PIP5K1B: variants seen among roughly 807,000 people sequenced by gnomAD.
PIP5K1B encodes phosphatidylinositol 4-phosphate 5-kinase type-1 beta.
In PIP5K1B, 42 loss-of-function variants were observed where a neutral mutation model predicts 67.0. That is an observed-to-expected ratio of 0.63 (90% CI 0.49 to 0.81). PIP5K1B has a LOEUF of 0.81. PIP5K1B is among the 30% of genes least tolerant of loss of function. The probability of loss-of-function intolerance (pLI) is 0.00; values close to 1 mark genes in which losing one functional copy is unlikely to be tolerated. For missense variants in PIP5K1B, 459 were observed against 646.3 expected, an observed-to-expected ratio of 0.71 and a Z score of 3.14; for synonymous variants, 214 against 231.4, an observed-to-expected ratio of 0.92 and a Z score of 0.68.
intron 3 of PIP5K1B, 81 bp downstream of exon 3, chr9:68,818,626 T>C (rs1391219548): frequency 6.6e-6 from 1 of 152,540 alleles, no homozygotes; most frequent in Non-Finnish European, 1.5e-5. Flanking sequence ...TAAATATTTT[T>C]ACAAATATTC....
chr9:68,969,543 A>G (rs1180715658), intron 14 of PIP5K1B, among the ~76,000 whole-genome samples: 1 of 152,118 alleles, frequency 6.6e-6, no homozygotes, highest in Non-Finnish European at 1.5e-5. Flanking sequence ...GGGGAAGAAA[A>G]AAAAACACAG....
In PIP5K1B at chr9:68,954,546, A is replaced by C. The variant is rs141905206; in HGVS notation, c.1502+13756A>C. Among the ~76,000 whole-genome samples, 23 of 152,354 alleles carry C rather than the reference A, an allele frequency of 1.5e-4. 1 individual carries two copies. In the East Asian group the frequency reaches 4.4e-3, roughly 29 times the overall value. ...ATTAATAATGAGTTAATCCAAAATC[A>C]GTATGTTTCTGATTGTGTGTGGACA... On this transcript the variant is annotated intron_variant, in intron 14 of 15. Transcript: ENST00000265382.
chr9:68,716,793 C>T (rs958151117), intron 1 of PIP5K1B, among the ~76,000 whole-genome samples: 15 of 152,290 alleles, frequency 9.8e-5, no homozygotes, highest in African/African-American at 3.4e-4. Context: ...TGCACTCACA[C>T]GTTCATTGCA....
At chr9:68,901,320 A>G (rs1825342068) in intron 8 of PIP5K1B, among the ~76,000 whole-genome samples, 1 of 152,282 alleles carries the variant, frequency 6.6e-6, no homozygotes, top group South Asian at 2.1e-4. Context: ...AGTGTAGTGC[A>G]TAATCTCGGC....
At chr9:68,856,578 T>A (rs12339863) in intron 4 of PIP5K1B, among the ~76,000 whole-genome samples, 1 of 152,210 alleles carries the variant, frequency 6.6e-6, no homozygotes, top group African/African-American at 2.4e-5. Context: ...TTTGTCTTTA[T>A]GCATGTGTAT....
chr9:68,962,312 G>A (rs547256897), intron 14 of PIP5K1B, among the ~76,000 whole-genome samples: 4 of 152,216 alleles, frequency 2.6e-5, no homozygotes, highest in Admixed American at 2.6e-4. Context: ...AGGCAGAAAT[G>A]TTATTTTTCA....
chr9:68,778,882 C>G (rs1239384262), intron 2 of PIP5K1B, among the ~76,000 whole-genome samples: 1 of 152,130 alleles, frequency 6.6e-6, no homozygotes. Context: ...TTAGCACTTG[C>G]TATTCTCTCT....
intron 4 of PIP5K1B, among the ~76,000 whole-genome samples, chr9:68,830,804 G>A (rs940782028): frequency 6.6e-6 from 1 of 152,122 alleles, no homozygotes; most frequent in African/African-American, 2.4e-5. Flanking sequence ...TGTTCTCAGG[G>A]CACAACGATG....
At chr9:68,827,995 A>G (rs560592223) in intron 4 of PIP5K1B, among the ~76,000 whole-genome samples, 13 of 152,312 alleles carry the variant, frequency 8.5e-5, no homozygotes, top group Admixed American at 2.6e-4. Context: ...GTTCAGTGAC[A>G]TATGCCAGGT....
At chr9:68,760,840 G>T (rs1357014180) in intron 2 of PIP5K1B, among the ~76,000 whole-genome samples, 2 of 152,098 alleles carry the variant, frequency 1.3e-5, no homozygotes, top group African/African-American at 2.4e-5. Flanking sequence ...GCTGGCAGGG[G>T]ATGGAAAGGT....
rs147033808 is a variant in PIP5K1B at position 68,969,658 on chromosome 9, G to A, written c.1503-21482G>A. On this transcript the variant is annotated intron_variant, in intron 14 of 15. Transcript: ENST00000265382. ...TCTAGGACCACCCATTTTCTTAATA[G>A]GTCAACATTGTGAGATATCTTCTGT... Among the ~76,000 whole-genome samples the A allele has an allele frequency of 3.9e-5, 6 of 152,214 alleles. No homozygotes were observed. The East Asian group carries it at 1.2e-3, about 29-fold the overall frequency.
intron 14 of PIP5K1B, among the ~76,000 whole-genome samples, chr9:68,988,077 G>A (rs965113338): frequency 2.0e-5 from 3 of 152,052 alleles, no homozygotes; most frequent in Admixed American, 2.0e-4. Flanking sequence ...CACACTGATG[G>A]GCTTATGGGT....
At chr9:68,940,822 G>C (rs773311080) in intron 14 of PIP5K1B, 32 bp downstream of exon 14, 1 of 1,604,866 alleles carries the variant, frequency 6.2e-7, no homozygotes, top group Non-Finnish European at 8.5e-7. Flanking sequence ...TAACCCATCA[G>C]GCTGTTACCA....
intron 14 of PIP5K1B, among the ~76,000 whole-genome samples, chr9:68,969,439 A>T (rs1445071334): frequency 6.6e-6 from 1 of 151,780 alleles, no homozygotes; most frequent in Non-Finnish European, 1.5e-5. Context: ...AATCAAGGGA[A>T]GCTATTACTA....
intron 12 of PIP5K1B, among the ~76,000 whole-genome samples, chr9:68,928,440 T>C (rs1826818797): frequency 1.3e-5 from 2 of 152,366 alleles, no homozygotes; most frequent in South Asian, 2.1e-4. Context: ...TTAAGCCTTA[T>C]GCTTACAAAG....
At chr9:68,837,592 T>A (rs1208731678) in intron 4 of PIP5K1B, among the ~76,000 whole-genome samples, 1 of 139,546 alleles carries the variant, frequency 7.2e-6, no homozygotes, top group Non-Finnish European at 1.5e-5. Flanking sequence ...AGACTTTTAC[T>A]TTTCCTTACT....
chr9:68,871,478 C>T (rs1404769833), intron 5 of PIP5K1B, among the ~76,000 whole-genome samples: 3 of 152,138 alleles, frequency 2.0e-5, no homozygotes, highest in African/African-American at 4.8e-5. Flanking sequence ...TCTGAACATA[C>T]GTTGCCATTA....
intron 12 of PIP5K1B, among the ~76,000 whole-genome samples, 173 bp from the exon 13 acceptor site, chr9:68,934,717 T>A (rs1322374662): frequency 1.3e-5 from 2 of 152,230 alleles, no homozygotes; most frequent in African/African-American, 4.8e-5. Flanking sequence ...ATTCATCGTA[T>A]TCATCAGATG....
At chr9:68,739,221 T>G (rs1336376850) in intron 1 of PIP5K1B, among the ~76,000 whole-genome samples, 1 of 152,258 alleles carries the variant, frequency 6.6e-6, no homozygotes, top group African/African-American at 2.4e-5. Flanking sequence ...GTTTAAAATA[T>G]TTCATGTGCC....
Sources: allele counts gnomAD v4.1 joint callset (sites outside exome capture counted in the v4.1 genomes callset), GRCh38; gene constraint gnomAD v4.1.1; transcripts MANE v1.5; gene names NCBI Gene and HGNC (gene_info 2026-07-23, HGNC 2026-07-21).